The following GARS1 variants were observed in gnomAD, a reference collection of about 807,000 sequenced individuals.
The protein encoded by GARS1 is glycine--tRNA ligase.
Under a neutral mutation model 86.4 loss-of-function variants are expected in GARS1, and 46 were observed. The ratio of observed to expected loss-of-function variants is 0.53; its 90% CI spans 0.42 to 0.68. The LOEUF (loss-of-function observed/expected upper bound fraction) is 0.68. Among genes scored for constraint, GARS1 ranks in the 30% least tolerant of loss-of-function variants. The pLI, the probability that GARS1 is intolerant of heterozygous loss-of-function variation, is 0.00. For missense variants in GARS1, 797 were observed against 915.6 expected (o/e 0.87, Z 1.67); for synonymous variants, 342 against 329.8 (o/e 1.04, Z -0.40).
At chr7:30,625,011 C>T (rs749247145) in intron 12 of GARS1, among the ~76,000 whole-genome samples, 2 of 152,014 alleles carry the variant, frequency 1.3e-5, no homozygotes, top group Non-Finnish European at 2.9e-5. Context: ...GGCGTGATCT[C>T]AGCTCACTGC....
At chr7:30,595,245 T>G in intron 1 of GARS1, 102 bp downstream of exon 1, 2 of 1,130,350 alleles carry the variant, frequency 1.8e-6, no homozygotes, top group Non-Finnish European at 2.6e-6. Context: ...TCCTCTTCGG[T>G]TACCCCTTTC....
Position 30,633,718 on chromosome 7 carries a change from T to C in GARS1, c.2095-17T>C. 6.2e-7 allele frequency: 1 copy of C among 1,613,596 alleles called. No homozygotes were observed. ...AACAAGTTGGTTGATACTTGGCTTC[T>C]CTTTCCTTGTCTCTAGATCTCTGAG... is the stretch of plus-strand genomic sequence containing the variant. On this transcript the variant is annotated splice_polypyrimidine_tract_variant and intron_variant, in intron 16 of 16. Coordinates refer to ENST00000389266, the MANE Select transcript of GARS1 (RefSeq NM_002047.4).
At position 30,603,250 on chromosome 7, in the gene GARS1, T is replaced by A. The variant is rs570853887; in HGVS notation, c.658+128T>A. 23 of 791,290 alleles carry A rather than the reference T, an allele frequency of 2.9e-5. 1 individual carries two copies. In the African/African-American group the frequency reaches 3.3e-4, roughly 11 times the overall value. 49.0% of individuals were successfully genotyped at this position (791,290 alleles called of 1,614,324 possible). A position where few individuals can be genotyped will look rare whatever the true frequency, so the allele number is the denominator to read the frequency against. ...AAGAGCAAAGTGCACAGATCTTAAG[T>A]ATATAGATCAAGTCCTTTATTTTTT... On this transcript the variant is annotated intron_variant, in intron 5 of 16. Coordinates refer to ENST00000389266, the MANE Select transcript of GARS1 (RefSeq NM_002047.4).
intron 12 of GARS1, chr7:30,622,672 G>A (rs947546855): frequency 1.8e-6 from 1 of 551,934 alleles, no homozygotes; most frequent in Non-Finnish European, 3.2e-6. Context: ...CCTAGTAACT[G>A]TCTTAAACAA....
intron 10 of GARS1, 103 bp downstream of exon 10, chr7:30,617,381 A>T (rs1274528606): frequency 1.5e-6 from 2 of 1,338,744 alleles, no homozygotes; most frequent in African/African-American, 2.9e-5. Flanking sequence ...GAACAAAGGG[A>T]AAAGAAAAGA....
Position 30,632,568 on chromosome 7 carries a change from A to G in GARS1, c.2094+131A>G, listed in dbSNP as rs1783259136. ...TTTTTAATTTTAATGAACGGCTTGT[A>G]TCAGACAGAGCCCAGATTCTCAAGT... On this transcript the variant is annotated intron_variant, in intron 16 of 16. Coordinates refer to ENST00000389266, the MANE Select transcript of GARS1 (RefSeq NM_002047.4). The surrounding 1 kb of genome is among the most constrained non-coding windows in gnomAD (Gnocchi z 4.1). The G allele has an allele frequency of 4.4e-6, 4 of 919,078 alleles. No homozygotes were observed. The highest frequency in any genetic ancestry group is 6.8e-6 in the Non-Finnish European group (4 of 585,122). 56.9% of individuals were successfully genotyped at this position (919,078 alleles called of 1,614,324 possible).
At chr7:30,612,062 TC>T in intron 7 of GARS1, 33 bp from the exon 8 acceptor site, 2 of 1,584,692 alleles carry the variant, frequency 1.3e-6, no homozygotes, top group Non-Finnish European at 1.7e-6. Context: ...ATAATTTCTT[TC>T]TTTGTAACAG....
intron 1 of GARS1, among the ~76,000 whole-genome samples, chr7:30,596,501 C>A (rs566307373): frequency 6.6e-5 from 10 of 151,920 alleles, no homozygotes; most frequent in African/African-American, 2.4e-4. Context: ...AAAAAAACCA[C>A]CACACCCAAA....
chr7:30,600,672 G>A (rs1387653441), intron 3 of GARS1, among the ~76,000 whole-genome samples: 2 of 152,200 alleles, frequency 1.3e-5, no homozygotes, highest in Non-Finnish European at 2.9e-5. Context: ...GTTAAATAGT[G>A]CCTCAAATAC....
At chr7:30,602,029 G>A (rs1467748357) in intron 4 of GARS1, among the ~76,000 whole-genome samples, 2 of 151,110 alleles carry the variant, frequency 1.3e-5, no homozygotes, top group South Asian at 2.1e-4. Context: ...TGATCCGCCC[G>A]CCTCGGCCTC....
chr7:30,624,099 G>GT (rs1453075927), intron 12 of GARS1, among the ~76,000 whole-genome samples: 1 of 151,854 alleles, frequency 6.6e-6, no homozygotes, highest in Non-Finnish European at 1.5e-5. Flanking sequence ...ACATTATGAG[G>GT]TTTTTTTGCA....
At chr7:30,606,419 A>G (rs1381448998) in intron 6 of GARS1, among the ~76,000 whole-genome samples, 1 of 150,950 alleles carries the variant, frequency 6.6e-6, no homozygotes, top group Non-Finnish European at 1.5e-5. Flanking sequence ...TGCTTCATCC[A>G]TTCTCCCACC....
At chr7:30,606,962 A>T (rs1488040216) in intron 6 of GARS1, among the ~76,000 whole-genome samples, 3 of 152,246 alleles carry the variant, frequency 2.0e-5, no homozygotes, top group Non-Finnish European at 2.9e-5. Context: ...AGTTCTCAGC[A>T]ACAAAACATA....
intron 6 of GARS1, among the ~76,000 whole-genome samples, chr7:30,607,234 G>A (rs1379639030): frequency 6.6e-6 from 1 of 152,028 alleles, no homozygotes; most frequent in Non-Finnish European, 1.5e-5. Context: ...AGTATTCAGG[G>A]TTTCCTTTTT....
At chr7:30,616,988 A>G in intron 9 of GARS1, 126 bp from the exon 10 acceptor site, 2 of 888,916 alleles carry the variant, frequency 2.2e-6, no homozygotes, top group East Asian at 4.8e-5. Flanking sequence ...GCAAGATAAA[A>G]TAGTTTGTGT....
At chr7:30,621,029 G>T (rs1275432419) in intron 10 of GARS1, among the ~76,000 whole-genome samples, 2 of 151,140 alleles carry the variant, frequency 1.3e-5, no homozygotes, top group African/African-American at 4.9e-5. Context: ...TTTGTGTACA[G>T]TGTGAATTAT....
chr7:30,594,913 C>A lies in GARS1; in HGVS notation c.-9C>A. The A allele has an allele frequency of 1.3e-6, 2 of 1,562,816 alleles. No homozygotes were observed. Among genetic ancestry groups the A allele is most frequent in the Non-Finnish European group, 8.6e-7 (1 of 1,161,146 alleles). On this transcript the variant is annotated 5_prime_UTR_variant, in exon 1 of 17. Transcript: ENST00000389266. ...CCACCCTCTCTGGACAGCCCAGGGC[C>A]GCAGGCTCATGCCCTCTCCGCGTCC...
chr7:30,597,677 A>G (rs1391031838), intron 1 of GARS1, among the ~76,000 whole-genome samples: 1 of 152,242 alleles, frequency 6.6e-6, no homozygotes. Flanking sequence ...GAATAATCAC[A>G]TATTTTTAAA....
chr7:30,595,031 G>T lies in GARS1; in HGVS notation c.110G>T (p.Ser37Ile). ...RPSLLLRRSL[S>I]AASCPPISLP... Reference sequence around the variant, plus strand: ...TCGCTCCTGCTCCGCCGGTCCCTCAGCGCGGCCTCCTGCCCCCCGATCTCC... The same window carrying T: ...TCGCTCCTGCTCCGCCGGTCCCTCATCGCGGCCTCCTGCCCCCCGATCTCC... The change falls in exon 1 of 17, where the codon AGC (serine) becomes ATC (isoleucine). Residue 37 changes from serine to isoleucine, a missense_variant. This residue lies in a region of GARS1 where 199 missense variants were observed against 176.9 expected (regional missense o/e 1.12). Coordinates refer to ENST00000389266, the MANE Select transcript of GARS1 (RefSeq NM_002047.4). 1.3e-6 allele frequency: 2 copies of T among 1,574,524 alleles called. No homozygotes were observed.
Sources: allele counts gnomAD v4.1 joint callset (sites outside exome capture counted in the v4.1 genomes callset), GRCh38; gene constraint gnomAD v4.1.1; regional missense constraint gnomAD v4.1.1; non-coding constraint Gnocchi (gnomAD v3.1); transcripts MANE v1.5; gene names NCBI Gene and HGNC (gene_info 2026-07-23, HGNC 2026-07-21).